LRP1B: variants seen among roughly 807,000 people sequenced by gnomAD.
The protein encoded by LRP1B is LDL receptor related protein 1B, also known as low-density lipoprotein receptor-related protein 1B.
LRP1B carries 217 observed loss-of-function variants against 556.6 expected under a neutral mutation model. The observed-to-expected ratio is 0.39, with a 90% CI of 0.35 to 0.44. The LOEUF (loss-of-function observed/expected upper bound fraction) is 0.44. LRP1B is among the 20% of genes least tolerant of loss of function. LRP1B has a pLI of 1.00. For synonymous variants in LRP1B, 2,047 were observed against 1,865.8 expected, an observed-to-expected ratio of 1.10 and a Z score of -2.50; for missense variants, 5,053 against 5,620.8, an observed-to-expected ratio of 0.90 and a Z score of 3.23.
intron 3 of LRP1B, among the ~76,000 whole-genome samples, chr2:141,339,225 A>G (rs1420768433): frequency 6.6e-6 from 1 of 150,868 alleles, no homozygotes; most frequent in Non-Finnish European, 1.5e-5. Context: ...TTTTTCCCTA[A>G]TTAGATTATA....
intron 7 of LRP1B, among the ~76,000 whole-genome samples, chr2:141,169,471 A>T (rs968808705): frequency 1.3e-5 from 2 of 151,934 alleles, no homozygotes; most frequent in South Asian, 4.2e-4. Context: ...CTTATATCAG[A>T]ATGTTTTCCA....
intron 32 of LRP1B, among the ~76,000 whole-genome samples, chr2:140,783,969 C>G (rs1449778589): frequency 1.3e-5 from 2 of 152,128 alleles, no homozygotes; most frequent in Non-Finnish European, 2.9e-5. Flanking sequence ...CTGTATGATC[C>G]AGTAGTTCAA....
At chr2:140,526,105 G>T in intron 48 of LRP1B, 112 bp from the exon 49 acceptor site, 1 of 1,339,810 alleles carries the variant, frequency 7.5e-7, no homozygotes, top group Non-Finnish European at 1.0e-6. Context: ...AAATAGATAC[G>T]TAATTATCCC....
At chr2:141,961,597 A>C (rs1483322251) in intron 1 of LRP1B, among the ~76,000 whole-genome samples, 1 of 151,672 alleles carries the variant, frequency 6.6e-6, no homozygotes, top group Non-Finnish European at 1.5e-5. Flanking sequence ...GATGCATACT[A>C]TCCTGTTTTT....
rs2105301142 is a variant in LRP1B at position 140,442,525 on chromosome 2, C to T, written c.10393G>A (p.Ala3465Thr). 1 of 1,613,832 alleles carries T rather than the reference C, an allele frequency of 6.2e-7. No homozygotes were observed. Among genetic ancestry groups the T allele is most frequent in the East Asian group, 2.2e-5 (1 of 44,842 alleles). The change falls in exon 66 of 91, where the codon GCA becomes ACA. Residue 3465 changes from alanine (A) to threonine (T), a missense_variant. Physicochemically the swap from Ala to Thr is moderately conservative, Grantham distance 58. Coordinates refer to ENST00000389484, the MANE Select transcript of LRP1B (RefSeq NM_018557.3). ...VCDEDPDCAD[A>T]SDEANCDKKT... ...TCACCGCAGTTGGCCTCGTCTGATG[C>T]ATCTGCACAGTCTGGATCCTCGTCA...
chr2:140,503,744 A>G (rs111960419), intron 53 of LRP1B, among the ~76,000 whole-genome samples: 1,630 of 152,162 alleles, frequency 0.011, 29 homozygotes, highest in African/African-American at 0.038. Flanking sequence ...GATTTTCAAC[A>G]TTGTTTTATA....
intron 2 of LRP1B, among the ~76,000 whole-genome samples, chr2:141,615,834 T>A (rs911381551): frequency 6.6e-6 from 1 of 152,236 alleles, no homozygotes; most frequent in African/African-American, 2.4e-5. Context: ...AGGATAAGAT[T>A]TGGTAATAGC....
At chr2:140,822,654 C>T (rs1691367275) in intron 31 of LRP1B, among the ~76,000 whole-genome samples, 1 of 152,166 alleles carries the variant, frequency 6.6e-6, no homozygotes, top group South Asian at 2.1e-4. Flanking sequence ...ACTGCTGTGT[C>T]CTAACTGGGT....
intron 11 of LRP1B, among the ~76,000 whole-genome samples, chr2:141,031,017 A>G (rs1270087514): frequency 6.6e-6 from 1 of 151,930 alleles, no homozygotes; most frequent in Non-Finnish European, 1.5e-5. Flanking sequence ...CTAGGTCCCT[A>G]ACATGAGCAA....
At chr2:140,825,847 C>A (rs769495789) in intron 31 of LRP1B, among the ~76,000 whole-genome samples, 1 of 152,158 alleles carries the variant, frequency 6.6e-6, no homozygotes, top group Non-Finnish European at 1.5e-5. Flanking sequence ...GTGTTCAAAA[C>A]ATGTAATGCT....
chr2:141,300,211 C>T (rs772974137), intron 3 of LRP1B, among the ~76,000 whole-genome samples: 5 of 152,180 alleles, frequency 3.3e-5, no homozygotes, highest in Admixed American at 6.5e-5. Context: ...ATGAGCTATG[C>T]AGTCTATGGT....
intron 1 of LRP1B, among the ~76,000 whole-genome samples, chr2:142,123,655 GTT>G (rs558738516): frequency 6.6e-5 from 9 of 136,740 alleles, no homozygotes; most frequent in Non-Finnish European, 6.4e-5. Flanking sequence ...TCTTCAAGAA[GTT>G]TTTTTTTTTT....
chr2:142,094,906 G>A (rs554022253), intron 1 of LRP1B, among the ~76,000 whole-genome samples: 129 of 151,838 alleles, frequency 8.5e-4, no homozygotes, highest in African/African-American at 3.0e-3. Context: ...GGAGAAAATA[G>A]TTCAAGAGTA....
chr2:141,682,565 T>A (rs1051767945), intron 2 of LRP1B, among the ~76,000 whole-genome samples: 35 of 152,266 alleles, frequency 2.3e-4, no homozygotes, highest in African/African-American at 7.7e-4. Flanking sequence ...TCCCTCAACT[T>A]TCATATAACT....
At chr2:142,092,017 A>G (rs1485452797) in intron 1 of LRP1B, among the ~76,000 whole-genome samples, 2 of 152,192 alleles carry the variant, frequency 1.3e-5, no homozygotes, top group African/African-American at 2.4e-5. Flanking sequence ...AGCGGGTGAA[A>G]AACAAGAGGA....
chr2:141,873,559 A>T (rs1288442107), intron 1 of LRP1B, among the ~76,000 whole-genome samples: 1 of 151,960 alleles, frequency 6.6e-6, no homozygotes, highest in South Asian at 2.1e-4. Context: ...TTAGAAAAAA[A>T]TAATTTATGT....
At chr2:140,356,040 A>G (rs1032438699) in intron 75 of LRP1B, among the ~76,000 whole-genome samples, 1 of 151,918 alleles carries the variant, frequency 6.6e-6, no homozygotes, top group South Asian at 2.1e-4. Flanking sequence ...TAATTCTCCA[A>G]TAGTTCCTGA....
intron 19 of LRP1B, among the ~76,000 whole-genome samples, chr2:140,950,787 C>T (rs1206693711): frequency 6.6e-6 from 1 of 151,820 alleles, no homozygotes; most frequent in Admixed American, 6.6e-5. Flanking sequence ...CCACTGTGCC[C>T]GGCCCTTTGA....
At position 140,237,703 on chromosome 2, in the gene LRP1B, C is replaced by T. The variant is rs1474165376; in HGVS notation, c.13560+449G>A. Among the ~76,000 whole-genome samples the T allele has an allele frequency of 2.7e-5, 4 of 150,648 alleles. No homozygotes were observed. The East Asian group carries it at 7.9e-4, about 30-fold the overall frequency. On this transcript the variant is annotated intron_variant, in intron 89 of 90. Coordinates refer to ENST00000389484, the MANE Select transcript of LRP1B (RefSeq NM_018557.3). ...AAGCTGTGCATGTATTGGTCTTCTC[C>T]TTGCATATATTTCAACATTGAAAGT...
Sources: allele counts gnomAD v4.1 joint callset (sites outside exome capture counted in the v4.1 genomes callset), GRCh38; gene constraint gnomAD v4.1.1; transcripts MANE v1.5; gene names NCBI Gene and HGNC (gene_info 2026-07-23, HGNC 2026-07-21).